Variants in TIAM1 observed in about 807,000 individuals in gnomAD.
TIAM1 encodes the protein rho guanine nucleotide exchange factor TIAM1.
Under a neutral mutation model 163.5 loss-of-function variants are expected in TIAM1, and 65 were observed. The ratio of observed to expected loss-of-function variants is 0.40; its 90% confidence interval spans 0.33 to 0.49. The LOEUF is 0.49. Ranked by LOEUF, TIAM1 falls within the 20% of genes least tolerant of loss-of-function variation. TIAM1 has a pLI of 0.77. For synonymous variants in TIAM1, 833 were observed against 810.1 expected, an observed-to-expected ratio of 1.03 and a Z score of -0.48; for missense variants, 1,789 against 2,044.7, an observed-to-expected ratio of 0.87 and a Z score of 2.41.
intron 1 of TIAM1, among the ~76,000 whole-genome samples, chr21:31,467,283 G>A (rs1191698772): frequency 3.3e-5 from 5 of 152,140 alleles, no homozygotes; most frequent in East Asian, 1.9e-4. Context: ...AATGAACTAC[G>A]TTCACAACAC....
At chr21:31,557,947 G>A (rs890465071) in intron 1 of TIAM1, among the ~76,000 whole-genome samples, 3 of 152,116 alleles carry the variant, frequency 2.0e-5, no homozygotes, top group African/African-American at 7.2e-5. Context: ...CGTGCGCGGC[G>A]GGGGCTGGGC....
intron 2 of TIAM1, among the ~76,000 whole-genome samples, chr21:31,374,817 T>C (rs1181432871): frequency 6.6e-6 from 1 of 152,222 alleles, no homozygotes; most frequent in Non-Finnish European, 1.5e-5. Context: ...TTTTGGAATA[T>C]ATTTATAAAA....
Position 31,311,172 on chromosome 21 carries a change from GTTTTT to G in TIAM1, c.-189+28066_-189+28070del, listed in dbSNP as rs34323103. Among the ~76,000 whole-genome samples, 7 of 147,138 alleles carry G rather than the reference GTTTTT, an allele frequency of 4.8e-5. No homozygotes were observed. In the East Asian group the frequency reaches 8.0e-4, roughly 17 times the overall value. On this transcript the variant is annotated intron_variant, in intron 2 of 27. Coordinates refer to ENST00000541036, the MANE Select transcript of TIAM1 (RefSeq NM_001353694.2). The stretch of plus-strand genomic sequence containing the variant: ...AATGGTTTTTTTGTTTGTTTGTTTT[GTTTTT>G]TTTTTTGTCAAATTTGGAGGAATAT...
intron 2 of TIAM1, among the ~76,000 whole-genome samples, chr21:31,313,955 T>A (rs2075020106): frequency 6.6e-6 from 1 of 152,250 alleles, no homozygotes; most frequent in Admixed American, 6.5e-5. Context: ...GCAGTCAGAA[T>A]GGACAACTTA....
At chr21:31,345,491 CAT>C (rs35276686), upstream of TIAM1, among the ~76,000 whole-genome samples, 167 of 150,920 alleles carry the variant, frequency 1.1e-3, no homozygotes, top group African/African-American at 3.8e-3. Flanking sequence ...CGGATTCACA[CAT>C]ATATATATTC....
intron 2 of TIAM1, among the ~76,000 whole-genome samples, chr21:31,459,002 C>T (rs1458307341): frequency 2.6e-5 from 4 of 152,112 alleles, no homozygotes; most frequent in African/African-American, 4.8e-5. Flanking sequence ...GAGAGAGAGG[C>T]GGGGCCAAAT....
intron 2 of TIAM1, among the ~76,000 whole-genome samples, chr21:31,333,594 C>T (rs1182346800): frequency 6.6e-6 from 1 of 152,126 alleles, no homozygotes; most frequent in Admixed American, 6.5e-5. Context: ...TGCACCACCA[C>T]ACCCTGGCTA....
At chr21:31,126,066 C>T (rs2082185255) in intron 26 of TIAM1, among the ~76,000 whole-genome samples, 1 of 152,084 alleles carries the variant, frequency 6.6e-6, no homozygotes, top group Non-Finnish European at 1.5e-5. Flanking sequence ...CAACCTAATA[C>T]CTTGGTCTGA....
intron 1 of TIAM1, among the ~76,000 whole-genome samples, chr21:31,531,424 C>G (rs1005963666): frequency 2.0e-5 from 3 of 150,310 alleles, no homozygotes; most frequent in African/African-American, 7.3e-5. Context: ...CAGAGGTGAC[C>G]AAATAAAAAG....
intron 20 of TIAM1, among the ~76,000 whole-genome samples, chr21:31,143,462 A>ATG (rs2082954645): frequency 6.6e-6 from 1 of 151,116 alleles, no homozygotes. Context: ...TTATATATAT[A>ATG]TATACACACA....
At position 31,164,534 on chromosome 21, in the gene TIAM1, G is replaced by C. The variant is rs557966516; in HGVS notation, c.2991+428C>G. ...TTTCTTTCCCTTTAACATAAAAGTT[G>C]CTCACTTTTAACAAGAGCTGAATGC... On this transcript the variant is annotated intron_variant, in intron 16 of 27. Transcript: ENST00000541036. 9.2e-5 allele frequency among the ~76,000 whole-genome samples: 14 copies of C among 152,218 alleles called. No homozygotes were observed. The South Asian group carries it at 2.9e-3, about 32-fold the overall frequency.
rs192044752 is a variant in TIAM1, at chr21:31,173,989, G to A, written c.2887+8432C>T. 4.6e-5 allele frequency among the ~76,000 whole-genome samples: 7 copies of A among 152,274 alleles called. No homozygotes were observed. In the East Asian group the frequency reaches 1.4e-3, roughly 29 times the overall value. On this transcript the variant is annotated intron_variant, in intron 15 of 27. Coordinates refer to ENST00000541036, the MANE Select transcript of TIAM1 (RefSeq NM_001353694.2). ...TGTGTGACAAGAAGCACAGCAGGCCGACAGTTTACGAGGCGCGCGTGTCTC... is the reference window on the plus strand; with the variant it reads ...TGTGTGACAAGAAGCACAGCAGGCCAACAGTTTACGAGGCGCGCGTGTCTC...
chr21:31,125,755 A>G (rs2082172935), intron 26 of TIAM1, among the ~76,000 whole-genome samples: 1 of 152,158 alleles, frequency 6.6e-6, no homozygotes, highest in Non-Finnish European at 1.5e-5. Flanking sequence ...TTGTATTTTT[A>G]GTGGAGACGG....
chr21:31,317,494 G>C (rs1022254560), intron 2 of TIAM1, among the ~76,000 whole-genome samples: 2 of 151,636 alleles, frequency 1.3e-5, no homozygotes, highest in African/African-American at 4.8e-5. Context: ...ATAAAACACT[G>C]CTTGGTCGGG....
chr21:31,208,153 C>T (rs2086549365), intron 11 of TIAM1, among the ~76,000 whole-genome samples: 1 of 152,204 alleles, frequency 6.6e-6, no homozygotes, highest in African/African-American at 2.4e-5. Context: ...CCCCTAGTTT[C>T]TTCCAAAGCA....
chr21:31,210,802 GAA>G (rs1456839043), intron 10 of TIAM1, among the ~76,000 whole-genome samples: 4 of 145,034 alleles, frequency 2.8e-5, no homozygotes, highest in African/African-American at 1.1e-4. Context: ...AAGAAAGAAA[GAA>G]AGAAAGAAAG....
chr21:31,155,449 T>G (rs944208352), intron 16 of TIAM1, among the ~76,000 whole-genome samples: 1 of 152,246 alleles, frequency 6.6e-6, no homozygotes, highest in African/African-American at 2.4e-5. Context: ...GCACAAAATT[T>G]AATTCACTAA....
chr21:31,210,691 A>G (rs1569033373), intron 10 of TIAM1, among the ~76,000 whole-genome samples: 3 of 82,686 alleles, frequency 3.6e-5, no homozygotes, highest in African/African-American at 1.1e-4. Context: ...AAGAAAAAGA[A>G]AGAAAGAAAG....
chr21:31,340,246 G>A (rs754238114), intron 1 of TIAM1, among the ~76,000 whole-genome samples: 1 of 151,326 alleles, frequency 6.6e-6, no homozygotes, highest in African/African-American at 2.4e-5. Flanking sequence ...TATACCCTAG[G>A]ACCTTGTCAA....
Sources: allele counts gnomAD v4.1 joint callset (sites outside exome capture counted in the v4.1 genomes callset), GRCh38; gene constraint gnomAD v4.1.1; transcripts MANE v1.5; gene names NCBI Gene and HGNC (gene_info 2026-07-23, HGNC 2026-07-21).